DCAF6: variants seen among roughly 807,000 people sequenced by gnomAD.
DCAF6 encodes DDB1 and CUL4 associated factor 6, also known as DDB1- and CUL4-associated factor 6.
In DCAF6, 54 loss-of-function variants were observed where a neutral mutation model predicts 125.1. The ratio of observed to expected loss-of-function variants is 0.43; its 90% CI spans 0.35 to 0.54. The LOEUF is 0.54. Ranked by LOEUF, DCAF6 falls within the 20% of genes least tolerant of loss-of-function variation. The probability of loss-of-function intolerance (pLI) is 0.01; values close to 1 mark genes in which losing one functional copy is unlikely to be tolerated. For synonymous variants in DCAF6, 371 were observed against 390.4 expected, an observed-to-expected ratio of 0.95 and a Z score of 0.58; for missense variants, 934 against 1,161.7, an observed-to-expected ratio of 0.80 and a Z score of 2.85.
chr1:168,050,955 T>C (rs1689839089), intron 17 of DCAF6, 22 bp downstream of exon 17: 1 of 1,331,794 alleles, frequency 7.5e-7, no homozygotes, highest in East Asian at 2.6e-5. Flanking sequence ...TGTTCCTTCA[T>C]AATTTTTTTT....
chr1:167,978,281 G>C (rs1678558672), intron 4 of DCAF6, among the ~76,000 whole-genome samples: 2 of 152,150 alleles, frequency 1.3e-5, no homozygotes, highest in South Asian at 4.1e-4. Context: ...GGTTATTTTA[G>C]AGATAAAGCC....
the DCAF6 span, among the ~76,000 whole-genome samples, chr1:167,867,761 A>G: frequency 6.6e-6 from 1 of 152,100 alleles, no homozygotes; most frequent in Non-Finnish European, 1.5e-5. Context: ...ATAGAATAAG[A>G]TGCGGTTCTT....
At chr1:167,972,907 T>G (rs1677554914) in intron 3 of DCAF6, among the ~76,000 whole-genome samples, 1 of 152,194 alleles carries the variant, frequency 6.6e-6, no homozygotes, top group Non-Finnish European at 1.5e-5. Context: ...AATTTATGAG[T>G]GACTGATGAA....
At chr1:167,940,438 A>C (rs911566637) in intron 1 of DCAF6, among the ~76,000 whole-genome samples, 7 of 150,032 alleles carry the variant, frequency 4.7e-5, no homozygotes, top group African/African-American at 1.5e-4. Context: ...GTGCAGTGGC[A>C]CCCTCATGGC....
At chr1:167,940,298 T>G (rs1393947291) in intron 1 of DCAF6, among the ~76,000 whole-genome samples, 1 of 152,222 alleles carries the variant, frequency 6.6e-6, no homozygotes, top group Admixed American at 6.5e-5. Flanking sequence ...TAGACTAGCA[T>G]GGATTTAGAG....
chr1:167,903,833 G>C, the DCAF6 span: 2 of 1,350,034 alleles, frequency 1.5e-6, no homozygotes, highest in Non-Finnish European at 2.1e-6. Flanking sequence ...GACAACTACG[G>C]AAAAAACAAT....
the DCAF6 span, among the ~76,000 whole-genome samples, chr1:167,921,194 C>T: frequency 6.6e-6 from 1 of 151,602 alleles, no homozygotes; most frequent in African/African-American, 2.4e-5. Flanking sequence ...GTATAAATAT[C>T]AGAAAAACTT....
chr1:168,024,974 G>A (rs1264098187), intron 12 of DCAF6, among the ~76,000 whole-genome samples: 1 of 152,032 alleles, frequency 6.6e-6, no homozygotes, highest in Non-Finnish European at 1.5e-5. Flanking sequence ...AAGGAATTAA[G>A]CATGTGTTAT....
At chr1:168,065,992 T>TA (rs759321134) in intron 19 of DCAF6, among the ~76,000 whole-genome samples, 17 of 152,324 alleles carry the variant, frequency 1.1e-4, no homozygotes, top group Non-Finnish European at 2.5e-4. Flanking sequence ...TTACAAGCTG[T>TA]AAGAGGTTTG....
chr1:168,068,801 A>G (rs2101999146), intron 21 of DCAF6, among the ~76,000 whole-genome samples: 1 of 152,282 alleles, frequency 6.6e-6, no homozygotes, highest in Middle Eastern at 3.4e-3. Context: ...CCAAACAGAA[A>G]TAAATGTGAC....
the DCAF6 span, among the ~76,000 whole-genome samples, chr1:167,924,070 T>C: frequency 6.6e-6 from 1 of 152,236 alleles, no homozygotes. Flanking sequence ...CAAATGCTAA[T>C]ATTTATATTC....
At chr1:168,075,185 G>A (rs1272076592) in intron 21 of DCAF6, among the ~76,000 whole-genome samples, 186 bp from the exon 22 acceptor site, 1 of 152,104 alleles carries the variant, frequency 6.6e-6, no homozygotes, top group African/African-American at 2.4e-5. Context: ...ACATGTTTTA[G>A]AATAACATGC....
intron 11 of DCAF6, among the ~76,000 whole-genome samples, chr1:168,020,869 G>A (rs1360982301): frequency 6.6e-6 from 1 of 152,084 alleles, no homozygotes; most frequent in African/African-American, 2.4e-5. Flanking sequence ...TCCCAAAGGA[G>A]TTGTGTGTTC....
At chr1:167,955,536 G>A (rs1192526027) in intron 2 of DCAF6, among the ~76,000 whole-genome samples, 1 of 150,862 alleles carries the variant, frequency 6.6e-6, no homozygotes, top group Non-Finnish European at 1.5e-5. Context: ...ATATTCATCT[G>A]TATTCTGGAA....
the DCAF6 span, among the ~76,000 whole-genome samples, chr1:167,877,651 T>C: frequency 6.6e-6 from 1 of 152,016 alleles, no homozygotes; most frequent in Non-Finnish European, 1.5e-5. Flanking sequence ...AATTGTGATA[T>C]AGGGCAAGGA....
chr1:167,880,753 T>C, the DCAF6 span: 1 of 712,804 alleles, frequency 1.4e-6, no homozygotes, highest in Non-Finnish European at 2.5e-6. Flanking sequence ...ATTTTATTTT[T>C]AGTACACTTC....
intron 13 of DCAF6, among the ~76,000 whole-genome samples, chr1:168,038,907 TACTA>T (rs1288761411): frequency 1.3e-5 from 2 of 152,110 alleles, no homozygotes; most frequent in Non-Finnish European, 2.9e-5. Flanking sequence ...ATTTTAGTGA[TACTA>T]AATATACTGT....
At chr1:167,896,091 G>T in the DCAF6 span, among the ~76,000 whole-genome samples, 1 of 152,144 alleles carries the variant, frequency 6.6e-6, no homozygotes, top group Non-Finnish European at 1.5e-5. Flanking sequence ...GGTCCTTGGT[G>T]GCCTTGACAT....
At chr1:167,931,748 T>C (rs1042398710), upstream of DCAF6, among the ~76,000 whole-genome samples, 1 of 152,124 alleles carries the variant, frequency 6.6e-6, no homozygotes, top group African/African-American at 2.4e-5. Flanking sequence ...CACTAAGTTG[T>C]ATTTAACCAT....
Sources: allele counts gnomAD v4.1 joint callset (sites outside exome capture counted in the v4.1 genomes callset), GRCh38; gene constraint gnomAD v4.1.1; transcripts MANE v1.5; gene names NCBI Gene and HGNC (gene_info 2026-07-23, HGNC 2026-07-21).